The following PTPRD variants were observed in gnomAD, a reference collection of about 807,000 sequenced individuals.
PTPRD encodes protein tyrosine phosphatase receptor type D, also known as receptor-type tyrosine-protein phosphatase delta.
A neutral mutation model predicts 214.5 loss-of-function variants in PTPRD; 34 were observed. That is an observed-to-expected ratio of 0.16 (90% CI 0.12 to 0.21). The LOEUF is 0.21. PTPRD is among the 10% of genes least tolerant of loss of function. The pLI is 1.00. For missense variants in PTPRD, 2,545 were observed against 2,398.7 expected (o/e 1.06, Z -1.27); for synonymous variants, 1,128 against 845.7 (o/e 1.33, Z -5.79).
intron 3 of PTPRD, among the ~76,000 whole-genome samples, chr9:10,091,084 G>C (rs1221852877): frequency 6.6e-6 from 1 of 151,092 alleles, no homozygotes; most frequent in African/African-American, 2.4e-5. Context: ...AATAATGGCA[G>C]AGCTTGACTT....
At chr9:9,378,439 T>C (rs1416464061) in intron 9 of PTPRD, among the ~76,000 whole-genome samples, 1 of 152,166 alleles carries the variant, frequency 6.6e-6, no homozygotes, top group Admixed American at 6.6e-5. Flanking sequence ...GACAACTTGA[T>C]TGCTTCCAAA....
chr9:8,696,250 G>A (rs1369517517), intron 12 of PTPRD, among the ~76,000 whole-genome samples: 1 of 152,110 alleles, frequency 6.6e-6, no homozygotes, highest in African/African-American at 2.4e-5. Flanking sequence ...CTTTCCAACA[G>A]ATTTTCTGTG....
At chr9:8,635,577 T>C (rs1008420589) in intron 13 of PTPRD, among the ~76,000 whole-genome samples, 2 of 152,150 alleles carry the variant, frequency 1.3e-5, no homozygotes, top group African/African-American at 4.8e-5. Context: ...TCTATACATT[T>C]GAACCCCTGA....
intron 2 of PTPRD, among the ~76,000 whole-genome samples, chr9:10,525,851 C>T (rs2054121383): frequency 6.6e-6 from 1 of 151,856 alleles, no homozygotes; most frequent in Admixed American, 6.6e-5. Context: ...ATTTGTTCTT[C>T]GCCCACTTAA....
intron 5 of PTPRD, among the ~76,000 whole-genome samples, chr9:9,903,907 T>A (rs1268464531): frequency 2.6e-5 from 4 of 152,146 alleles, no homozygotes; most frequent in African/African-American, 9.7e-5. Flanking sequence ...TCAAAATGTG[T>A]CAATCAACTA....
chr9:10,490,165 G>C (rs1478214165), intron 2 of PTPRD, among the ~76,000 whole-genome samples: 1 of 152,120 alleles, frequency 6.6e-6, no homozygotes, highest in Non-Finnish European at 1.5e-5. Context: ...ATCTTTTGGA[G>C]GGATATAGTT....
At chr9:8,414,318 A>T (rs2093738229) in intron 35 of PTPRD, among the ~76,000 whole-genome samples, 1 of 152,238 alleles carries the variant, frequency 6.6e-6, no homozygotes. Flanking sequence ...CACCTGTGAC[A>T]GCCTTTTGTA....
intron 7 of PTPRD, among the ~76,000 whole-genome samples, chr9:9,726,164 T>C (rs2098086897): frequency 6.6e-6 from 1 of 152,166 alleles, no homozygotes; most frequent in African/African-American, 2.4e-5. Flanking sequence ...CCATAATTAA[T>C]CTTCTATTAG....
At chr9:9,837,536 T>A (rs16930412) in intron 5 of PTPRD, among the ~76,000 whole-genome samples, 1 of 152,044 alleles carries the variant, frequency 6.6e-6, no homozygotes, top group Admixed American at 6.6e-5. Context: ...TAGAGGGGTA[T>A]GTTTTAGGTT....
intron 9 of PTPRD, among the ~76,000 whole-genome samples, chr9:9,191,530 T>G (rs1326098930): frequency 5.3e-5 from 8 of 152,166 alleles, no homozygotes; most frequent in African/African-American, 1.9e-4. Flanking sequence ...TAATTTGTAA[T>G]GCAGCAATAG....
At chr9:8,601,218 G>A (rs1456688787) in intron 14 of PTPRD, among the ~76,000 whole-genome samples, 1 of 152,116 alleles carries the variant, frequency 6.6e-6, no homozygotes, top group African/African-American at 2.4e-5. Flanking sequence ...TGCCAGCCCA[G>A]CCACAGCAGA....
chr9:10,328,439 G>A lies in PTPRD; in HGVS notation c.-545+12524C>T, dbSNP rs115887223. 8.7e-3 allele frequency among the ~76,000 whole-genome samples: 1,314 copies of A among 151,788 alleles called. 20 individuals are homozygous for A. The highest frequency in any genetic ancestry group is 0.03 in the African/African-American group (1,247 of 41,488). ...CTTTTTATGGTTTTTCAAGATTTGA[G>A]AGTATAGAAATCATTTTTTAAAATG... On this transcript the variant is annotated intron_variant, in intron 3 of 45. Transcript: ENST00000381196.
At chr9:10,153,645 T>C (rs894237189) in intron 3 of PTPRD, among the ~76,000 whole-genome samples, 1 of 152,090 alleles carries the variant, frequency 6.6e-6, no homozygotes, top group Non-Finnish European at 1.5e-5. Flanking sequence ...CACTCAACTA[T>C]TAAGCCTAGT....
At chr9:9,622,032 A>T (rs1160596914) in intron 7 of PTPRD, among the ~76,000 whole-genome samples, 1 of 152,214 alleles carries the variant, frequency 6.6e-6, no homozygotes, top group Non-Finnish European at 1.5e-5. Flanking sequence ...AAGTATTATT[A>T]TTTGGATATA....
chr9:9,965,450 C>T (rs147578947), intron 4 of PTPRD, among the ~76,000 whole-genome samples: 39 of 152,164 alleles, frequency 2.6e-4, no homozygotes, highest in Middle Eastern at 3.4e-3. Flanking sequence ...GGGCTTAGAG[C>T]ACTTGTCGGG....
At position 10,433,940 on chromosome 9, in the gene PTPRD, A is replaced by G. The variant is rs578177590; in HGVS notation, c.-599-92923T>C. ...TTATTTGGAATACCATTGGTAATGTAATAAATCAATCACTATAAACAAAAA... is the reference window on the plus strand; with the variant it reads ...TTATTTGGAATACCATTGGTAATGTGATAAATCAATCACTATAAACAAAAA... On this transcript the variant is annotated intron_variant, in intron 2 of 45. Coordinates refer to ENST00000381196, the MANE Select transcript of PTPRD (RefSeq NM_002839.4). Among the ~76,000 whole-genome samples, 81 of 152,052 alleles carry G rather than the reference A, an allele frequency of 5.3e-4. 1 individual carries two copies. The South Asian group carries it at 0.017, about 31-fold the overall frequency.
rs2098814139 is a variant in PTPRD at position 9,778,226 on chromosome 9, G to C, written c.-367-11375C>G. 3.9e-5 allele frequency among the ~76,000 whole-genome samples: 6 copies of C among 152,192 alleles called. No individual in the cohort carries two copies. The South Asian group carries it at 1.2e-3, about 32-fold the overall frequency. ...CCCTGCACAGCATAAGGGAATGCTA[G>C]GGCTAGTTCCCAGCCCCGAATGGCT... is the stretch of plus-strand genomic sequence containing the variant. On this transcript the variant is annotated intron_variant, in intron 5 of 45. Coordinates refer to ENST00000381196, the MANE Select transcript of PTPRD (RefSeq NM_002839.4).
At chr9:9,497,661 G>A (rs1199417937) in intron 8 of PTPRD, among the ~76,000 whole-genome samples, 4 of 152,070 alleles carry the variant, frequency 2.6e-5, no homozygotes, top group African/African-American at 9.7e-5. Context: ...TCAAAAAGAG[G>A]AGAAATAGGA....
chr9:9,253,719 T>G (rs1484090970), intron 9 of PTPRD, among the ~76,000 whole-genome samples: 1 of 152,146 alleles, frequency 6.6e-6, no homozygotes, highest in African/African-American at 2.4e-5. Flanking sequence ...GGGTGAAATA[T>G]TCCTACATTT....
Sources: allele counts gnomAD v4.1 joint callset (sites outside exome capture counted in the v4.1 genomes callset), GRCh38; gene constraint gnomAD v4.1.1; transcripts MANE v1.5; gene names NCBI Gene and HGNC (gene_info 2026-07-23, HGNC 2026-07-21).